The following TTC21A variants were observed in gnomAD, a reference collection of about 807,000 sequenced individuals.
The protein encoded by TTC21A is tetratricopeptide repeat protein 21A.
Under a neutral mutation model 156.4 loss-of-function variants are expected in TTC21A, and 128 were observed. The ratio of observed to expected loss-of-function variants is 0.82; its 90% CI spans 0.71 to 0.95. The LOEUF is 0.95. Ranked by LOEUF, TTC21A falls within the 40% of genes least tolerant of loss-of-function variation. The pLI, the probability that TTC21A is intolerant of heterozygous loss-of-function variation, is 0.00. For missense variants in TTC21A, 1,435 were observed against 1,602.3 expected, an observed-to-expected ratio of 0.90 and a Z score of 1.78; for synonymous variants, 587 against 617.1, an observed-to-expected ratio of 0.95 and a Z score of 0.72.
chr3:39,114,510 G>C (rs887642844), intron 5 of TTC21A, 75 bp from the exon 6 acceptor site: 22 of 1,468,670 alleles, frequency 1.5e-5, no homozygotes, highest in Non-Finnish European at 1.4e-5. Context: ...TGGAGACACA[G>C]AGACAACCCC....
At chr3:39,125,881 C>T (rs886590390) in intron 11 of TTC21A, among the ~76,000 whole-genome samples, 5 of 152,228 alleles carry the variant, frequency 3.3e-5, no homozygotes, top group Admixed American at 1.3e-4. Flanking sequence ...CTTCCTTTTC[C>T]GCAGAAGCCC....
chr3:39,121,640 G>A (rs115100828), intron 9 of TTC21A, among the ~76,000 whole-genome samples: 1 of 152,184 alleles, frequency 6.6e-6, no homozygotes, highest in Non-Finnish European at 1.5e-5. Flanking sequence ...ATATTTCCCT[G>A]TCTGTCCAGG....
Position 39,138,273 on chromosome 3 carries a change from T to C in TTC21A, c.3682T>C (p.Tyr1228His). Reference sequence around the variant, plus strand: ...TAACTGGCTTTCCCTGCAGTCCTGCTACAAGGCCTATGAGTACATGGGCTT... The same window carrying C: ...TAACTGGCTTTCCCTGCAGTCCTGCCACAAGGCCTATGAGTACATGGGCTT... ...RRCVQYNKSCYKAYEYMGFIM... is the reference protein window; with the variant it reads ...RRCVQYNKSCHKAYEYMGFIM... Residue 1228 changes from tyrosine to histidine, a missense_variant, in exon 27 of 29, where the codon TAC (tyrosine) becomes CAC (histidine). Coordinates refer to ENST00000683103, the MANE Select transcript of TTC21A (RefSeq NM_001366900.1). 1 of 1,614,094 alleles carries C rather than the reference T, an allele frequency of 6.2e-7. No individual in the cohort carries two copies. The highest frequency in any genetic ancestry group is 8.5e-7 in the Non-Finnish European group (1 of 1,179,962).
chr3:39,118,583 A>C (rs539562003), intron 7 of TTC21A: 1 of 176,750 alleles, frequency 5.7e-6, no homozygotes, highest in African/African-American at 2.3e-5. Context: ...TTCTGAATTC[A>C]GGAAATGCCT....
At chr3:39,137,429 GC>G (rs768890984) in intron 25 of TTC21A, 42 bp downstream of exon 25, 3 of 1,610,960 alleles carry the variant, frequency 1.9e-6, no homozygotes, top group Non-Finnish European at 2.5e-6. Flanking sequence ...AGGTGGCAGG[GC>G]CGAGAAGACC....
Position 39,110,119 on chromosome 3 carries a change from A to C in TTC21A, c.248A>C (p.His83Pro), listed in dbSNP as rs758703944. The C allele has an allele frequency of 5.6e-6, 9 of 1,613,908 alleles. No individual in the cohort carries two copies. Among genetic ancestry groups the C allele is most frequent in the Non-Finnish European group, 7.6e-6 (9 of 1,179,932 alleles). Residue 83 changes from histidine (H) to proline (P), a missense_variant, in exon 3 of 29, where the codon CAC becomes CCC. Physicochemically the swap from His to Pro is moderately conservative, Grantham distance 77. Transcript: ENST00000683103. ...TCCACCATGGCCCTCATTTATGCTC[A>C]CAAAAGATGTGAAATCATTGGTGAG... Reference protein sequence around the residue: ...LCSTMALIYAHKRCEIIDREA... With the variant: ...LCSTMALIYAPKRCEIIDREA...
Position 39,134,110 on chromosome 3 carries a change from A to AG in TTC21A, c.2752-106dup. Reference sequence around the variant, plus strand: ...GTGGGGAATTCGAGACATATTTTGAAGGCAGAGCTGATAGAAGTGGGGTGT... The same window carrying AG: ...GTGGGGAATTCGAGACATATTTTGAAGGGCAGAGCTGATAGAAGTGGGGTGT... On this transcript the variant is annotated intron_variant, in intron 20 of 28. Transcript: ENST00000683103. The surrounding 1 kb of genome is among the most constrained non-coding windows in gnomAD (Gnocchi z 4.6). 1 of 747,196 alleles carries AG rather than the reference A, an allele frequency of 1.3e-6. No homozygotes were observed. The highest frequency in any genetic ancestry group is 2.4e-6 in the Non-Finnish European group (1 of 411,808). 46.3% of individuals were successfully genotyped at this position (747,196 alleles called of 1,614,324 possible).
intron 13 of TTC21A, 29 bp downstream of exon 13, chr3:39,128,517 C>T (rs377541899): frequency 2.5e-6 from 4 of 1,613,304 alleles, no homozygotes; most frequent in Non-Finnish European, 3.4e-6. Flanking sequence ...TCTCAGCATC[C>T]CAAAGCCCAG....
intron 5 of TTC21A, among the ~76,000 whole-genome samples, chr3:39,113,221 T>C (rs966498831): frequency 6.6e-6 from 1 of 152,200 alleles, no homozygotes; most frequent in Non-Finnish European, 1.5e-5. Flanking sequence ...CAAATGTTAG[T>C]ATTTTAGGGC....
chr3:39,135,821 C>T (rs956270923), intron 22 of TTC21A, among the ~76,000 whole-genome samples: 35 of 152,194 alleles, frequency 2.3e-4, no homozygotes, highest in African/African-American at 7.5e-4. Flanking sequence ...TTTGGGAACC[C>T]GAGGCGGGCA....
chr3:39,137,733 G>A (rs1158681766), intron 26 of TTC21A, 23 bp downstream of exon 26: 1 of 1,596,108 alleles, frequency 6.3e-7, no homozygotes. Context: ...ACACACACTA[G>A]GGCTGCGGGA....
At chr3:39,137,748 G>A (rs376050515) in intron 26 of TTC21A, 38 bp downstream of exon 26, 411 of 1,571,726 alleles carry the variant, frequency 2.6e-4, no homozygotes, top group Non-Finnish European at 3.2e-4. Context: ...GCGGGATGGC[G>A]GAAAGGATTC....
At chr3:39,132,986 A>G in intron 19 of TTC21A, 66 bp from the exon 20 acceptor site, 1 of 1,558,028 alleles carries the variant, frequency 6.4e-7, no homozygotes, top group South Asian at 1.1e-5. Flanking sequence ...TTAAGAACTT[A>G]GGACTTTCTG....
chr3:39,136,841 C>T, intron 23 of TTC21A, 58 bp from the exon 24 acceptor site: 1 of 1,594,264 alleles, frequency 6.3e-7, no homozygotes, highest in East Asian at 2.2e-5. Flanking sequence ...CTTGTATATC[C>T]CTGCCCTGTC....
chr3:39,136,538 C>A (rs746983329), intron 23 of TTC21A, 31 bp downstream of exon 23: 1 of 1,606,874 alleles, frequency 6.2e-7, no homozygotes, highest in East Asian at 2.2e-5. Flanking sequence ...TGAGGGGCAG[C>A]TGTGTGCAGG....
chr3:39,136,929 G>T lies in TTC21A; in HGVS notation c.3126G>T (p.Lys1042Asn). The T allele has an allele frequency of 6.2e-7, 1 of 1,614,218 alleles. No homozygotes were observed. Among genetic ancestry groups the T allele is most frequent in the East Asian group, 2.2e-5 (1 of 44,884 alleles). The change falls in exon 24 of 29, where the codon AAG (lysine) becomes AAT (asparagine). Residue 1042 changes from lysine (K) to asparagine (N), a missense_variant. By Grantham distance (94) the Lys-to-Asn change is moderately conservative (BLOSUM62 0). Coordinates refer to ENST00000683103, the MANE Select transcript of TTC21A (RefSeq NM_001366900.1). ...TAGGGCAGCCCAACGAAGCCTTAAA[G>T]TTCCTGAACAAGGCACGCAAGGACA... ...WHIGQPNEAL[K>N]FLNKARKDST...
chr3:39,117,931 G>A (rs2037427488), intron 6 of TTC21A, 138 bp from the exon 7 acceptor site: 1 of 695,862 alleles, frequency 1.4e-6, no homozygotes, highest in Non-Finnish European at 2.6e-6. Flanking sequence ...AGCAGCTTGT[G>A]CCTGGCTAAT....
Position 39,137,717 on chromosome 3 carries a change from A to G in TTC21A, c.3675+7A>G, listed in dbSNP as rs1355331813. 1.9e-6 allele frequency: 3 copies of G among 1,608,540 alleles called. No homozygotes were observed. In the East Asian group the frequency reaches 6.7e-5, roughly 36 times the overall value. ...CTGTGTGCAATACAACAAGGCAAGG[A>G]GCCACACACACACTAGGGCTGCGGG... On this transcript the variant is annotated splice_region_variant and intron_variant, in intron 26 of 28. Transcript: ENST00000683103.
In TTC21A at chr3:39,130,830, C is replaced by A; in HGVS notation, c.2449C>A (p.His817Asn). Residue 817 changes from histidine to asparagine, a missense_variant, in exon 18 of 29, where the codon CAT becomes AAT. Transcript: ENST00000683103. This position sits in a 1 kb window ranked among gnomAD's most constrained non-coding sequence, Gnocchi z 4.5. Reference sequence around the variant, plus strand: ...AAAAGTTTTGAAGCAGGCACTGGAACATGACATTGGTGAGGCAGCATTGTA... The same window carrying A: ...AAAAGTTTTGAAGCAGGCACTGGAAAATGACATTGGTGAGGCAGCATTGTA... ...AEKVLKQALE[H>N]DIVQDIPSMM... is the part of the protein sequence containing the mutation. 6.2e-7 allele frequency: 1 copy of A among 1,614,186 alleles called. No homozygotes were observed. Among genetic ancestry groups the A allele is most frequent in the African/African-American group, 1.3e-5 (1 of 75,040 alleles).
Sources: gnomAD v4.1 joint callset for allele counts (sites outside exome capture counted in the v4.1 genomes callset) on GRCh38, gnomAD v4.1.1 for gene constraint, Gnocchi (gnomAD v3.1) non-coding constraint, MANE v1.5 for transcripts, NCBI Gene and HGNC (gene_info 2026-07-23, HGNC 2026-07-21) for gene names.